The following PRUNE2 variants were observed in gnomAD, a reference collection of about 807,000 sequenced individuals.
The protein encoded by PRUNE2 is protein prune homolog 2.
PRUNE2 carries 164 observed loss-of-function variants against 252.0 expected under a neutral mutation model. The observed-to-expected ratio is 0.65, with a 90% CI of 0.57 to 0.74. The LOEUF is 0.74. PRUNE2 is among the 30% of genes least tolerant of loss of function. PRUNE2 has a pLI of 0.00. For synonymous variants in PRUNE2, 1,292 were observed against 1,350.2 expected, an observed-to-expected ratio of 0.96 and a Z score of 0.94; for missense variants, 3,495 against 3,711.0, an observed-to-expected ratio of 0.94 and a Z score of 1.51.
intron 4 of PRUNE2, 132 bp from the exon 5 acceptor site, chr9:76,826,864 A>G: frequency 3.0e-6 from 2 of 675,536 alleles, no homozygotes; most frequent in Non-Finnish European, 4.9e-6. Flanking sequence ...AGAGTCCTCC[A>G]CACGTAACAT....
At chr9:76,673,401 G>C (rs1253422345) in intron 9 of PRUNE2, among the ~76,000 whole-genome samples, 95 of 139,884 alleles carry the variant, frequency 6.8e-4, no homozygotes, top group African/African-American at 2.1e-3. Context: ...CTGAAATTGT[G>C]GCAATAATCA....
At chr9:76,676,410 C>T (rs886079034) in intron 9 of PRUNE2, among the ~76,000 whole-genome samples, 14 of 151,434 alleles carry the variant, frequency 9.2e-5, no homozygotes, top group African/African-American at 1.9e-4. Context: ...GTATTTAAGA[C>T]GTATCTAATG....
At chr9:76,761,416 C>T (rs1467418886) in intron 6 of PRUNE2, among the ~76,000 whole-genome samples, 1 of 151,900 alleles carries the variant, frequency 6.6e-6, no homozygotes, top group Non-Finnish European at 1.5e-5. Flanking sequence ...ATGGTGTCGA[C>T]AAAAATTAAT....
chr9:76,746,476 C>T (rs1053601407), intron 6 of PRUNE2, among the ~76,000 whole-genome samples: 2 of 151,720 alleles, frequency 1.3e-5, no homozygotes, highest in African/African-American at 4.8e-5. Context: ...GAGGCCGAGG[C>T]GGGTGGATCA....
At chr9:76,892,699 A>C (rs2062557860) in intron 1 of PRUNE2, among the ~76,000 whole-genome samples, 1 of 152,228 alleles carries the variant, frequency 6.6e-6, no homozygotes, top group African/African-American at 2.4e-5. Flanking sequence ...AGGAAGAAAG[A>C]CTGAGAAAAC....
At chr9:76,894,573 TG>T (rs2062697247) in intron 1 of PRUNE2, among the ~76,000 whole-genome samples, 1 of 152,196 alleles carries the variant, frequency 6.6e-6, no homozygotes, top group African/African-American at 2.4e-5. Flanking sequence ...ACTGACCACT[TG>T]TTACAGAAAA....
chr9:76,795,706 A>T (rs1296221736), intron 6 of PRUNE2, among the ~76,000 whole-genome samples: 1 of 152,196 alleles, frequency 6.6e-6, no homozygotes, highest in Non-Finnish European at 1.5e-5. Flanking sequence ...AAAAATACAG[A>T]ATTTTATTGA....
chr9:76,837,897 G>A (rs958509629), intron 4 of PRUNE2, among the ~76,000 whole-genome samples: 24 of 151,104 alleles, frequency 1.6e-4, no homozygotes, highest in Non-Finnish European at 3.1e-4. Flanking sequence ...TCAGCCTCCT[G>A]AGTAGCTGGG....
chr9:76,844,813 G>T (rs940331379), intron 4 of PRUNE2, among the ~76,000 whole-genome samples: 4 of 151,938 alleles, frequency 2.6e-5, no homozygotes, highest in Non-Finnish European at 5.9e-5. Context: ...CCCACATTCT[G>T]CCAGCTTCCC....
intron 16 of PRUNE2, 62 bp downstream of exon 16, chr9:76,629,130 A>T: frequency 9.6e-7 from 1 of 1,041,368 alleles, no homozygotes; most frequent in Non-Finnish European, 1.4e-6. Context: ...GGCGTGAGCC[A>T]CCACACCCAG....
chr9:76,622,517 T>C (rs1832816834), intron 17 of PRUNE2, among the ~76,000 whole-genome samples: 1 of 152,202 alleles, frequency 6.6e-6, no homozygotes, highest in Non-Finnish European at 1.5e-5. Flanking sequence ...CCATCTTTTG[T>C]CTTCAAAATA....
intron 4 of PRUNE2, among the ~76,000 whole-genome samples, chr9:76,837,305 G>A (rs145180219): frequency 0.014 from 2,143 of 152,144 alleles, 55 homozygotes; most frequent in African/African-American, 0.049. Flanking sequence ...AGCCAGGCGT[G>A]GTGGCGGGCA....
chr9:76,850,665 C>A lies in PRUNE2; in HGVS notation c.142G>T (p.Val48Phe). The change falls in exon 3 of 19, where the codon GTC becomes TTC. Residue 48 changes from valine to phenylalanine, a missense_variant and splice_region_variant. Val to Phe is a conservative substitution (Grantham distance 50). Coordinates refer to ENST00000376718, the MANE Select transcript of PRUNE2 (RefSeq NM_015225.3). ...AAACACAGAACCCCTGGTGGACTGA[C>A]CTACCAAGAAAAAAGTTGACTGAAT... is the stretch of plus-strand genomic sequence containing the variant. Reference protein sequence around the residue: ...TFTYAYFLDKVSPPGVLCLPV... With the variant: ...TFTYAYFLDKFSPPGVLCLPV... The A allele has an allele frequency of 6.2e-7, 1 of 1,607,054 alleles. No individual in the cohort carries two copies. The highest frequency in any genetic ancestry group is 8.5e-7 in the Non-Finnish European group (1 of 1,176,228).
Position 76,872,529 on chromosome 9 carries a change from C to T in PRUNE2, c.37-18321G>A, listed in dbSNP as rs185601360. 1.1e-4 allele frequency among the ~76,000 whole-genome samples: 17 copies of T among 151,346 alleles called. No individual in the cohort carries two copies. The East Asian group carries it at 3.3e-3, about 30-fold the overall frequency. ...AAGAGTTTCCCAGGCTGAAAAGTAGCAGGAGCCTCTACTCTTCTTTTCATG... is the reference window on the plus strand; with the variant it reads ...AAGAGTTTCCCAGGCTGAAAAGTAGTAGGAGCCTCTACTCTTCTTTTCATG... On this transcript the variant is annotated intron_variant, in intron 1 of 18. Coordinates refer to ENST00000376718, the MANE Select transcript of PRUNE2 (RefSeq NM_015225.3).
intron 12 of PRUNE2, among the ~76,000 whole-genome samples, 169 bp from the exon 13 acceptor site, chr9:76,638,457 G>A (rs1042141204): frequency 6.6e-6 from 1 of 152,230 alleles, no homozygotes; most frequent in Admixed American, 6.5e-5. Context: ...TACCCATATA[G>A]TTATCTTTCA....
intron 5 of PRUNE2, among the ~76,000 whole-genome samples, chr9:76,824,054 A>C (rs145901276): frequency 3.9e-5 from 6 of 152,312 alleles, no homozygotes; most frequent in Admixed American, 3.9e-4. Context: ...CCCAGAAAGA[A>C]AACAGAGATC....
At position 76,841,989 on chromosome 9, in the gene PRUNE2, A is replaced by G. The variant is rs570810957; in HGVS notation, c.508+4526T>C. ...GACTTTCTTCACAAAATTCAAAAAAACTACTTTAAATTTCATATGGAACCA... is the reference window on the plus strand; with the variant it reads ...GACTTTCTTCACAAAATTCAAAAAAGCTACTTTAAATTTCATATGGAACCA... On this transcript the variant is annotated intron_variant, in intron 4 of 18. Coordinates refer to ENST00000376718, the MANE Select transcript of PRUNE2 (RefSeq NM_015225.3). Among the ~76,000 whole-genome samples the G allele has an allele frequency of 5.9e-5, 9 of 152,308 alleles. 1 individual carries two copies. Among genetic ancestry groups the G allele is most frequent in the African/African-American group, 2.2e-4 (9 of 41,570 alleles).
intron 1 of PRUNE2, among the ~76,000 whole-genome samples, chr9:76,893,912 C>T (rs535996354): frequency 1.3e-5 from 2 of 152,230 alleles, no homozygotes; most frequent in African/African-American, 4.8e-5. Flanking sequence ...AGTCACAGGG[C>T]CACGAAAATT....
At chr9:76,863,651 G>C (rs2060675307) in intron 1 of PRUNE2, among the ~76,000 whole-genome samples, 1 of 152,156 alleles carries the variant, frequency 6.6e-6, no homozygotes, top group East Asian at 1.9e-4. Flanking sequence ...AACAACAGCA[G>C]CACACTCTGT....
Sources: gnomAD v4.1 joint callset for allele counts (sites outside exome capture counted in the v4.1 genomes callset) on GRCh38, gnomAD v4.1.1 for gene constraint, MANE v1.5 for transcripts, NCBI Gene and HGNC (gene_info 2026-07-23, HGNC 2026-07-21) for gene names.